Variants in KMT5A observed in about 807,000 individuals in gnomAD.
KMT5A encodes the protein N-lysine methyltransferase KMT5A.
Under a neutral mutation model 40.6 loss-of-function variants are expected in KMT5A, and 6 were observed. The ratio of observed to expected loss-of-function variants is 0.15; its 90% CI spans 0.08 to 0.29. The LOEUF (loss-of-function observed/expected upper bound fraction) is 0.29, where lower values mean the gene tolerates loss of function less well. Among genes scored for constraint, KMT5A ranks in the 10% least tolerant of loss-of-function variants. KMT5A has a pLI of 1.00. For missense variants in KMT5A, 308 were observed against 459.1 expected, an observed-to-expected ratio of 0.67 and a Z score of 3.01; for synonymous variants, 153 against 178.8, an observed-to-expected ratio of 0.86 and a Z score of 1.15.
chr12:123,385,783 T>C (rs998205542), intron 1 of KMT5A, among the ~76,000 whole-genome samples: 49 of 151,706 alleles, frequency 3.2e-4, no homozygotes, highest in African/African-American at 1.2e-3. Context: ...ACCTGGGAGG[T>C]GGAGCTTGCA....
intron 3 of KMT5A, among the ~76,000 whole-genome samples, chr12:123,393,892 T>G (rs1234616702): frequency 1.3e-5 from 2 of 152,160 alleles, no homozygotes; most frequent in Non-Finnish European, 2.9e-5. Flanking sequence ...TTGTTTCCAC[T>G]TTTTGGCTAT....
intron 2 of KMT5A, chr12:123,390,199 A>G (rs577977465): frequency 3.0e-4 from 135 of 457,124 alleles, no homozygotes; most frequent in Non-Finnish European, 3.1e-4. Context: ...CAGGCCCTCC[A>G]GCCGCCCTCA....
chr12:123,395,289 T>C (rs779600692), intron 4 of KMT5A, 23 bp downstream of exon 4: 7 of 1,604,816 alleles, frequency 4.4e-6, no homozygotes, highest in Non-Finnish European at 6.0e-6. Flanking sequence ...TTCAGTCCTC[T>C]TCCTAACGTG....
At chr12:123,403,001 C>T (rs1162071682) in intron 5 of KMT5A, among the ~76,000 whole-genome samples, 1 of 152,212 alleles carries the variant, frequency 6.6e-6, no homozygotes, top group Non-Finnish European at 1.5e-5. Context: ...CTCCACCTCC[C>T]AGGTTCAAGC....
intron 7 of KMT5A, among the ~76,000 whole-genome samples, chr12:123,407,150 CAAT>C (rs911808951): frequency 6.6e-6 from 1 of 151,388 alleles, no homozygotes; most frequent in African/African-American, 2.4e-5. Context: ...CCAGCCTGAG[CAAT>C]ATAGGGAGAT....
At chr12:123,395,297 G>T in intron 4 of KMT5A, 31 bp downstream of exon 4, 1 of 1,598,352 alleles carries the variant, frequency 6.3e-7, no homozygotes, top group East Asian at 2.3e-5. Flanking sequence ...TCTTCCTAAC[G>T]TGGAGCAGTT....
chr12:123,407,405 C>A, intron 7 of KMT5A, 88 bp from the exon 8 acceptor site: 1 of 1,231,370 alleles, frequency 8.1e-7, no homozygotes. Context: ...AATCAGCATC[C>A]CACCAGAGCT....
intron 2 of KMT5A, chr12:123,390,182 G>A: frequency 2.2e-6 from 1 of 460,808 alleles, no homozygotes. Flanking sequence ...GGCTCTGGCT[G>A]TGCTGACAGG....
intron 7 of KMT5A, among the ~76,000 whole-genome samples, chr12:123,406,719 T>C (rs1485518824): frequency 6.6e-6 from 1 of 152,036 alleles, no homozygotes. Context: ...CCAGGGCCTG[T>C]GCAGGCTCTC....
chr12:123,399,884 C>T (rs565922342), intron 5 of KMT5A, among the ~76,000 whole-genome samples: 20 of 152,070 alleles, frequency 1.3e-4, no homozygotes, highest in Non-Finnish European at 2.6e-4. Context: ...AGTGCAATGG[C>T]GCGATCTTGG....
At chr12:123,406,803 G>A (rs374335094) in intron 7 of KMT5A, among the ~76,000 whole-genome samples, 8 of 152,020 alleles carry the variant, frequency 5.3e-5, no homozygotes, top group African/African-American at 1.9e-4. Context: ...GAGGTGGATG[G>A]ATCATGAAGG....
intron 5 of KMT5A, among the ~76,000 whole-genome samples, chr12:123,400,508 T>C (rs1014222577): frequency 6.7e-5 from 10 of 149,302 alleles, no homozygotes; most frequent in African/African-American, 1.5e-4. Context: ...TTATAGGCGC[T>C]TGCCACCACG....
intron 2 of KMT5A, chr12:123,390,153 C>T (rs541356142): frequency 2.1e-4 from 97 of 466,052 alleles, no homozygotes; most frequent in South Asian, 1.5e-3. Context: ...TGAGAGGGGT[C>T]AGGCTCCGGC....
chr12:123,407,414 C>A, intron 7 of KMT5A, 79 bp from the exon 8 acceptor site: 2 of 1,331,198 alleles, frequency 1.5e-6, no homozygotes, highest in Non-Finnish European at 1.1e-6. Context: ...CCCACCAGAG[C>A]TGAGCACAAG....
At chr12:123,396,657 T>G (rs573993933) in intron 5 of KMT5A, among the ~76,000 whole-genome samples, 1 of 152,306 alleles carries the variant, frequency 6.6e-6, no homozygotes, top group South Asian at 2.1e-4. Flanking sequence ...GACACTTGTG[T>G]GAAGGAACCT....
At chr12:123,404,215 C>A (rs1324850910) in intron 6 of KMT5A, among the ~76,000 whole-genome samples, 1 of 152,192 alleles carries the variant, frequency 6.6e-6, no homozygotes, top group African/African-American at 2.4e-5. Flanking sequence ...TGTATTTCAA[C>A]CACACTCAGT....
intron 6 of KMT5A, among the ~76,000 whole-genome samples, chr12:123,404,089 C>T (rs923256314): frequency 3.3e-5 from 5 of 152,156 alleles, no homozygotes; most frequent in East Asian, 1.9e-4. Flanking sequence ...TCATATAAAT[C>T]GGATTATACA....
intron 5 of KMT5A, among the ~76,000 whole-genome samples, chr12:123,400,066 C>CT: frequency 6.6e-6 from 1 of 152,254 alleles, no homozygotes; most frequent in African/African-American, 2.4e-5. Context: ...TCATGATCCA[C>CT]TTGCCTCGGC....
intron 5 of KMT5A, among the ~76,000 whole-genome samples, chr12:123,402,505 C>T (rs977175055): frequency 6.6e-6 from 1 of 152,210 alleles, no homozygotes; most frequent in Non-Finnish European, 1.5e-5. Flanking sequence ...TGGTGTCAGG[C>T]TCCTGACACG....
Sources: gnomAD v4.1 joint callset for allele counts (sites outside exome capture counted in the v4.1 genomes callset) on GRCh38, gnomAD v4.1.1 for gene constraint, MANE v1.5 for transcripts, NCBI Gene and HGNC (gene_info 2026-07-23, HGNC 2026-07-21) for gene names.